AIFM3: variants seen among roughly 807,000 people sequenced by gnomAD.
AIFM3 encodes the protein AIF family member 3, also known as apoptosis-inducing factor 3.
AIFM3 carries 71 observed loss-of-function variants against 82.7 expected under a neutral mutation model. That is an observed-to-expected ratio of 0.86 (90% CI 0.71 to 1.05). The LOEUF (loss-of-function observed/expected upper bound fraction) is 1.05, where lower values mean the gene tolerates loss of function less well. AIFM3 is among the 50% of genes least tolerant of loss of function. The probability of loss-of-function intolerance (pLI) is 0.00; values close to 1 mark genes in which losing one functional copy is unlikely to be tolerated. For missense variants in AIFM3, 748 were observed against 816.7 expected (o/e 0.92, Z 1.03); for synonymous variants, 337 against 329.1 (o/e 1.02, Z -0.26).
At chr22:20,974,410 A>C in intron 6 of AIFM3, 114 bp downstream of exon 6, 1 of 1,559,522 alleles carries the variant, frequency 6.4e-7, no homozygotes, top group Non-Finnish European at 8.7e-7. Flanking sequence ...GTGTCACTGG[A>C]GCAGAGTGAG....
Position 20,976,294 on chromosome 22 carries a change from C to T in AIFM3, c.887C>T (p.Ala296Val). ...FKLEYSKLLL[A>V]PGSSPKTLSC... ...CTGGAGTACAGCAAGCTGCTGCTGG[C>T]ACCAGGGAGCAGGTGGGAGGGTCTC... The change falls in exon 10 of 21, where the codon GCA becomes GTA. Residue 296 changes from alanine to valine, a missense_variant. Coordinates refer to ENST00000440238, the MANE Select transcript of AIFM3 (RefSeq NM_001386814.1). 2 of 1,614,008 alleles carry T rather than the reference C, an allele frequency of 1.2e-6. No homozygotes were observed. The highest frequency in any genetic ancestry group is 1.7e-6 in the Non-Finnish European group (2 of 1,180,016).
Position 20,977,733 on chromosome 22 carries a change from G to A in AIFM3, c.1316G>A (p.Ser439Asn), listed in dbSNP as rs1216948029. ...AVPATGFLRQSGIGLDSRGFI... is the reference protein window; with the variant it reads ...AVPATGFLRQNGIGLDSRGFI... Reference sequence around the variant, plus strand: ...CCCGCCACAGGCTTCCTGAGGCAAAGCGGCATCGGTTTGGATTCCCGAGGC... The same window carrying A: ...CCCGCCACAGGCTTCCTGAGGCAAAACGGCATCGGTTTGGATTCCCGAGGC... Residue 439 changes from serine (S) to asparagine (N), a missense_variant, in exon 15 of 21, where the codon AGC becomes AAC. This residue lies in a region of AIFM3 where 393 missense variants were observed against 481.1 expected (regional missense o/e 0.82). Transcript: ENST00000440238. 2 of 1,614,084 alleles carry A rather than the reference G, an allele frequency of 1.2e-6. No individual in the cohort carries two copies. The highest frequency in any genetic ancestry group is 1.3e-5 in the African/African-American group (1 of 74,916).
At chr22:20,979,603 G>A in intron 17 of AIFM3, 24 bp from the exon 18 acceptor site, 1 of 1,613,850 alleles carries the variant, frequency 6.2e-7, no homozygotes, top group Non-Finnish European at 8.5e-7. Flanking sequence ...TCACGTGGGT[G>A]CCACCCACCT....
At position 20,973,762 on chromosome 22, in the gene AIFM3, C is replaced by T. The variant is rs377274696; in HGVS notation, c.250C>T (p.Arg84Trp). The change falls in exon 4 of 21, where the codon CGG (arginine) becomes TGG (tryptophan). Residue 84 changes from arginine (R) to tryptophan (W), a missense_variant. Transcript: ENST00000440238. ...CTGAGTGCTGCGGTTCCCCAGGATG[C>T]GGGAAGTGGAGCTGGGCTGGGGGAA... ...HVKDLENGQMREVELGWGKVL... is the reference protein window; with the variant it reads ...HVKDLENGQMWEVELGWGKVL... The T allele has an allele frequency of 2.1e-5, 33 of 1,556,138 alleles. No homozygotes were observed. Among genetic ancestry groups the T allele is most frequent in the East Asian group, 9.3e-5 (4 of 42,830 alleles).
rs1201571246 is a variant in AIFM3, at chr22:20,974,027, T to C, written c.356-36T>C. On this transcript the variant is annotated intron_variant, in intron 4 of 20. Coordinates refer to ENST00000440238, the MANE Select transcript of AIFM3 (RefSeq NM_001386814.1). Reference sequence around the variant, plus strand: ...ACTGAGATCCTTGGGAAGCAACCCCTGCTGGTGGGCGCAGCCTAACACCTC... The same window carrying C: ...ACTGAGATCCTTGGGAAGCAACCCCCGCTGGTGGGCGCAGCCTAACACCTC... 7 of 1,568,772 alleles carry C rather than the reference T, an allele frequency of 4.5e-6. No individual in the cohort carries two copies. The Admixed American group carries it at 1.3e-4, about 29-fold the overall frequency.
At chr22:20,980,674 C>T (rs1034084678) in intron 19 of AIFM3, 73 bp from the exon 20 acceptor site, 1 of 1,602,034 alleles carries the variant, frequency 6.2e-7, no homozygotes, top group Non-Finnish European at 8.6e-7. Context: ...AATGGAGGAC[C>T]AGAAGGGGAC....
At position 20,974,274 on chromosome 22, in the gene AIFM3, T is replaced by C. The variant is rs778377418; in HGVS notation, c.488T>C (p.Val163Ala). The C allele has an allele frequency of 1.2e-6, 2 of 1,613,460 alleles. No individual in the cohort carries two copies. The highest frequency in any genetic ancestry group is 2.2e-5 in the East Asian group (1 of 44,872). The change falls in exon 6 of 21, where the codon GTG (valine) becomes GCG (alanine). Residue 163 changes from valine to alanine, a missense_variant. By Grantham distance (64) the Val-to-Ala change is moderately conservative. Coordinates refer to ENST00000440238, the MANE Select transcript of AIFM3 (RefSeq NM_001386814.1). The stretch of plus-strand genomic sequence containing the variant: ...CAGGTGAAGATTGAGAAGGAGAAGG[T>C]GTACGTCCGGGCCAGCAAGCAGGTG... ...KFQVKIEKEK[V>A]YVRASKQALQ...
intron 14 of AIFM3, 164 bp downstream of exon 14, chr22:20,977,259 G>T (rs1923750583): frequency 9.9e-7 from 1 of 1,005,194 alleles, no homozygotes; most frequent in Non-Finnish European, 1.5e-6. Flanking sequence ...GTTGGGGAAG[G>T]TATGTACTGG....
rs1237115991 is a variant in AIFM3, at chr22:20,973,450, C to CA, written c.176dup (p.His59GlnfsTer50). 1 of 1,613,242 alleles carries CA rather than the reference C, an allele frequency of 6.2e-7. No individual in the cohort carries two copies. The highest frequency in any genetic ancestry group is 8.5e-7 in the Non-Finnish European group (1 of 1,180,008). On this transcript the variant is annotated frameshift_variant, in exon 3 of 21. Transcript: ENST00000440238. LOFTEE classifies it high-confidence loss of function. ...CACGGAGGAGCGCCTGTCCACCCCT[C>CA]ACCCCTACCCCAGCCCTCAGGATTG...
Position 20,980,118 on chromosome 22 carries a change from A to T in AIFM3, c.1751A>T (p.Glu584Val). 1 of 1,606,952 alleles carries T rather than the reference A, an allele frequency of 6.2e-7. No homozygotes were observed. Among genetic ancestry groups the T allele is most frequent in the Non-Finnish European group, 8.5e-7 (1 of 1,179,924 alleles). Residue 584 changes from glutamate (E) to valine (V), a missense_variant, in exon 19 of 21, where the codon GAG (glutamate) becomes GTG (valine). Around this residue, in one of 5 missense-constraint regions of AIFM3, gnomAD observed 183 missense variants for 158.2 expected, o/e 1.16. Transcript: ENST00000440238. ...LASGRAIRKREVELFVLHSKT... is the reference protein window; with the variant it reads ...LASGRAIRKRVVELFVLHSKT... ...TCAGGCCGTGCCATCCGGAAGCGGG[A>T]GGTGGAGTGAGTGTGGGTGTGGGAA...
At chr22:20,968,101 T>C in intron 2 of AIFM3, 126 bp downstream of exon 2, 2 of 969,140 alleles carry the variant, frequency 2.1e-6, no homozygotes, top group African/African-American at 1.7e-5. Flanking sequence ...AAGAACCCGC[T>C]CGGAATGTTA....
intron 2 of AIFM3, 85 bp downstream of exon 2, chr22:20,968,060 C>T (rs941210587): frequency 1.2e-5 from 17 of 1,433,282 alleles, no homozygotes; most frequent in East Asian, 7.4e-5. Flanking sequence ...CCTCTGCACT[C>T]GGTAGGCCTC....
At chr22:20,968,139 G>A (rs1370828687) in intron 2 of AIFM3, among the ~76,000 whole-genome samples, 164 bp downstream of exon 2, 1 of 152,220 alleles carries the variant, frequency 6.6e-6, no homozygotes. Context: ...GGGGGTAGGG[G>A]GCCTGGAGCA....
chr22:20,975,662 G>A lies in AIFM3; in HGVS notation c.721-30G>A, dbSNP rs571178242. On this transcript the variant is annotated intron_variant, in intron 8 of 20. Transcript: ENST00000440238. ...GCCCCAGTGTCTTCTGCTGTAAACT[G>A]GCTCCTCTCAAGCTGGCTCTCCCCT... 11 of 1,610,196 alleles carry A rather than the reference G, an allele frequency of 6.8e-6. No homozygotes were observed. The African/African-American group carries it at 8.0e-5, about 12-fold the overall frequency.
At chr22:20,977,204 C>A in intron 14 of AIFM3, 109 bp downstream of exon 14, 1 of 1,469,470 alleles carries the variant, frequency 6.8e-7, no homozygotes, top group Non-Finnish European at 9.3e-7. Context: ...GTTTCCACCA[C>A]ATCTGTCAAA....
Position 20,979,277 on chromosome 22 carries a change from T to A in AIFM3, c.1484T>A (p.Val495Glu). The change falls in exon 17 of 21, where the codon GTG (valine) becomes GAG (glutamate). Residue 495 changes from valine to glutamate, a missense_variant. Around this residue, in one of 5 missense-constraint regions of AIFM3, gnomAD observed 183 missense variants for 158.2 expected, o/e 1.16. Coordinates refer to ENST00000440238, the MANE Select transcript of AIFM3 (RefSeq NM_001386814.1). ...ACGGCCCTGGGTCCCGCAGGGCGCG[T>A]GGCAGCCCAGAACATGTTGGCGCAG... Reference protein sequence around the residue: ...HWQMAHAQGRVAAQNMLAQEA... With the variant: ...HWQMAHAQGREAAQNMLAQEA... 1.3e-6 allele frequency: 2 copies of A among 1,555,786 alleles called. No individual in the cohort carries two copies. The highest frequency in any genetic ancestry group is 1.7e-6 in the Non-Finnish European group (2 of 1,149,286).
In AIFM3 at chr22:20,976,455, CT is replaced by C. The variant is rs1456000115; in HGVS notation, c.948del (p.Ile317SerfsTer11). On this transcript the variant is annotated frameshift_variant, in exon 11 of 21. Coordinates refer to ENST00000440238, the MANE Select transcript of AIFM3 (RefSeq NM_001386814.1). LOFTEE classifies it high-confidence loss of function. ...GGCAAAGAAGTGGAGAACGTGTTCA[CT>C]ATCCGGACGCCAGAGGATGCCAATC... Reference protein sequence around the residue: ...CKGKEVENVFTIRTPEDANRV... With the variant: ...CKGKEVENVFXIRTPEDANRV... 1.2e-6 allele frequency: 2 copies of C among 1,614,122 alleles called. No individual in the cohort carries two copies. The highest frequency in any genetic ancestry group is 2.2e-5 in the South Asian group (2 of 91,084).
chr22:20,976,127 G>A (rs1031898471), intron 9 of AIFM3, 88 bp from the exon 10 acceptor site: 1 of 1,418,114 alleles, frequency 7.1e-7, no homozygotes, highest in Non-Finnish European at 9.8e-7. Context: ...GGCTGTGGCT[G>A]GGCTGTGGGT....
In AIFM3 at chr22:20,979,253, C is replaced by G. The variant is rs202092251; in HGVS notation, c.1478-18C>G. On this transcript the variant is annotated intron_variant, in intron 16 of 20. Coordinates refer to ENST00000440238, the MANE Select transcript of AIFM3 (RefSeq NM_001386814.1). ...GTAAGAGCGAGAGTTAGGGTTCTCA[C>G]GGCCCTGGGTCCCGCAGGGCGCGTG... 6.4e-7 allele frequency: 1 copy of G among 1,551,816 alleles called. No homozygotes were observed. The highest frequency in any genetic ancestry group is 8.7e-7 in the Non-Finnish European group (1 of 1,147,136).
Sources: allele counts gnomAD v4.1 joint callset (sites outside exome capture counted in the v4.1 genomes callset), GRCh38; gene constraint gnomAD v4.1.1; regional missense constraint gnomAD v4.1.1; transcripts MANE v1.5; gene names NCBI Gene and HGNC (gene_info 2026-07-23, HGNC 2026-07-21).